Variants in NUDCD1 observed in about 807,000 individuals in gnomAD.
The protein encoded by NUDCD1 is nudC domain-containing protein 1.
A neutral mutation model predicts 67.8 loss-of-function variants in NUDCD1; 60 were observed. That is an observed-to-expected ratio of 0.88 (90% confidence interval 0.72 to 1.10). NUDCD1 has a LOEUF of 1.10. NUDCD1 is among the 50% of genes least tolerant of loss of function. The pLI is 0.00. For synonymous variants in NUDCD1, 244 were observed against 230.8 expected, an observed-to-expected ratio of 1.06 and a Z score of -0.52; for missense variants, 643 against 695.0, an observed-to-expected ratio of 0.93 and a Z score of 0.84.
At chr8:109,256,637 C>A (rs1813746649) in intron 8 of NUDCD1, among the ~76,000 whole-genome samples, 2 of 152,226 alleles carry the variant, frequency 1.3e-5, no homozygotes, top group South Asian at 4.1e-4. Context: ...GATCTTCACA[C>A]AAAGTACTTA....
chr8:109,328,146 C>CCTTTGTTGTT (rs1815720193), intron 1 of NUDCD1, among the ~76,000 whole-genome samples: 1 of 152,120 alleles, frequency 6.6e-6, no homozygotes, highest in Non-Finnish European at 1.5e-5. Context: ...ACAAAGGACA[C>CCTTTGTTGTT]TTATGAGATT....
At chr8:109,263,197 T>C (rs1813913253) in intron 8 of NUDCD1, among the ~76,000 whole-genome samples, 1 of 151,932 alleles carries the variant, frequency 6.6e-6, no homozygotes, top group Admixed American at 6.6e-5. Flanking sequence ...TTCCTCCAAA[T>C]TCCTTCTCAA....
chr8:109,270,078 G>GC (rs1423360799), intron 8 of NUDCD1, among the ~76,000 whole-genome samples: 3 of 82,678 alleles, frequency 3.6e-5, no homozygotes, highest in South Asian at 5.7e-4. Flanking sequence ...GGGGGGGGGG[G>GC]GGGGTGCCTT....
chr8:109,249,703 C>T (rs1287974133), intron 8 of NUDCD1, among the ~76,000 whole-genome samples: 11 of 152,108 alleles, frequency 7.2e-5, no homozygotes, highest in Admixed American at 6.5e-4. Context: ...GGATTTTTAA[C>T]ATATACTCAA....
At chr8:109,245,256 G>A in intron 9 of NUDCD1, 66 bp downstream of exon 9, 1 of 1,446,150 alleles carries the variant, frequency 6.9e-7, no homozygotes, top group Non-Finnish European at 9.5e-7. Context: ...AAAAAGAAAT[G>A]AACTTTAAAT....
In NUDCD1 at chr8:109,291,919, G is replaced by C. The variant is rs539441443; in HGVS notation, c.640+1425C>G. On this transcript the variant is annotated intron_variant, in intron 4 of 9. Transcript: ENST00000239690. Reference sequence around the variant, plus strand: ...AGGAATATGCATGACAATGTCTCCTGTAAGATTTTGAATTACGTACCTTAA... The same window carrying C: ...AGGAATATGCATGACAATGTCTCCTCTAAGATTTTGAATTACGTACCTTAA... Among the ~76,000 whole-genome samples, 3 of 152,204 alleles carry C rather than the reference G, an allele frequency of 2.0e-5. No homozygotes were observed. The East Asian group carries it at 5.8e-4, about 29-fold the overall frequency.
rs1251553878 is a variant in NUDCD1, at chr8:109,242,032, TAA to T, written c.*975_*976del. 5 of 397,606 alleles carry T rather than the reference TAA, an allele frequency of 1.3e-5. No individual in the cohort carries two copies. Among genetic ancestry groups the T allele is most frequent in the East Asian group, 3.6e-5 (1 of 28,056 alleles). 24.6% of individuals were successfully genotyped at this position (397,606 alleles called of 1,614,324 possible). A position where few individuals can be genotyped will look rare whatever the true frequency, so the allele number is the denominator to read the frequency against. On this transcript the variant is annotated 3_prime_UTR_variant, in exon 10 of 10. Coordinates refer to ENST00000239690, the MANE Select transcript of NUDCD1 (RefSeq NM_032869.4). ...TATTTTGTTGAAGTTGTTAGAAAAA[TAA>T]AGAGAGCCACAAGGATAAATTATAA...
chr8:109,255,174 T>C (rs537757258), intron 8 of NUDCD1, among the ~76,000 whole-genome samples: 1 of 152,334 alleles, frequency 6.6e-6, no homozygotes, highest in South Asian at 2.1e-4. Flanking sequence ...ACCACCAGAA[T>C]GTGTCCCTGG....
At chr8:109,327,826 G>C (rs1026821769) in intron 1 of NUDCD1, among the ~76,000 whole-genome samples, 1 of 152,018 alleles carries the variant, frequency 6.6e-6, no homozygotes, top group Non-Finnish European at 1.5e-5. Flanking sequence ...AATAAAAAAG[G>C]CTTCCTTTTC....
At chr8:109,255,431 C>A (rs989818754) in intron 8 of NUDCD1, among the ~76,000 whole-genome samples, 1 of 152,066 alleles carries the variant, frequency 6.6e-6, no homozygotes, top group Non-Finnish European at 1.5e-5. Flanking sequence ...CAGATCTTAG[C>A]TAAGTGGTAT....
intron 2 of NUDCD1, among the ~76,000 whole-genome samples, chr8:109,312,716 G>A (rs1223803254): frequency 6.6e-6 from 1 of 152,190 alleles, no homozygotes; most frequent in Admixed American, 6.5e-5. Context: ...TTACGGAGAA[G>A]GCCTAGCAGT....
chr8:109,323,728 T>C (rs1373329990), intron 1 of NUDCD1, among the ~76,000 whole-genome samples: 1 of 152,012 alleles, frequency 6.6e-6, no homozygotes, highest in Non-Finnish European at 1.5e-5. Flanking sequence ...ATGAAAGAAA[T>C]TGAAGAGGAC....
intron 2 of NUDCD1, among the ~76,000 whole-genome samples, chr8:109,299,569 C>G (rs1268364790): frequency 1.3e-5 from 2 of 152,130 alleles, no homozygotes; most frequent in African/African-American, 4.8e-5. Context: ...GGAAACCTCA[C>G]CCCCATCCCC....
At chr8:109,317,444 C>T (rs1815426073) in intron 2 of NUDCD1, among the ~76,000 whole-genome samples, 1 of 152,152 alleles carries the variant, frequency 6.6e-6, no homozygotes, top group South Asian at 2.1e-4. Context: ...AATCCAGACT[C>T]TTACAAACAT....
At chr8:109,305,427 T>C (rs1327163495) in intron 2 of NUDCD1, among the ~76,000 whole-genome samples, 3 of 152,122 alleles carry the variant, frequency 2.0e-5, no homozygotes, top group African/African-American at 7.2e-5. Flanking sequence ...TTCATACCCC[T>C]TACTGTCCTC....
intron 2 of NUDCD1, among the ~76,000 whole-genome samples, chr8:109,297,625 C>G (rs902239476): frequency 1.6e-4 from 24 of 152,194 alleles, no homozygotes; most frequent in Non-Finnish European, 3.1e-4. Context: ...TGAACCCTTA[C>G]CAGACACCAA....
chr8:109,317,899 C>T (rs988927936), intron 2 of NUDCD1, among the ~76,000 whole-genome samples: 4 of 152,108 alleles, frequency 2.6e-5, no homozygotes, highest in South Asian at 2.1e-4. Flanking sequence ...GACTGCTGTA[C>T]CCTTTTTGTC....
chr8:109,273,726 A>G (rs1302513596), intron 7 of NUDCD1, among the ~76,000 whole-genome samples: 3 of 152,102 alleles, frequency 2.0e-5, no homozygotes, highest in South Asian at 2.1e-4. Context: ...TTTACTGACA[A>G]ATTCTACCAA....
intron 5 of NUDCD1, among the ~76,000 whole-genome samples, chr8:109,285,978 T>C (rs1253823838): frequency 6.6e-6 from 1 of 151,928 alleles, no homozygotes; most frequent in East Asian, 1.9e-4. Flanking sequence ...TGTATGAAAA[T>C]CAGTAGCATT....
Sources: allele counts gnomAD v4.1 joint callset (sites outside exome capture counted in the v4.1 genomes callset), GRCh38; gene constraint gnomAD v4.1.1; transcripts MANE v1.5; gene names NCBI Gene and HGNC (gene_info 2026-07-23, HGNC 2026-07-21).